The following EIF4G3 variants were observed in gnomAD, a reference collection of about 807,000 sequenced individuals.
The protein encoded by EIF4G3 is eukaryotic translation initiation factor 4 gamma 3.
In EIF4G3, 34 loss-of-function variants were observed where a neutral mutation model predicts 186.4. The ratio of observed to expected loss-of-function variants is 0.18; its 90% CI spans 0.14 to 0.24. The LOEUF is 0.24. Among genes scored for constraint, EIF4G3 ranks in the 10% least tolerant of loss-of-function variants. The pLI, the probability that EIF4G3 is intolerant of heterozygous loss-of-function variation, is 1.00. For missense variants in EIF4G3, 1,536 were observed against 1,948.5 expected, an observed-to-expected ratio of 0.79 and a Z score of 3.99; for synonymous variants, 673 against 679.5, an observed-to-expected ratio of 0.99 and a Z score of 0.15.
chr1:21,024,864 G>A lies in EIF4G3; in HGVS notation c.-66-22056C>T, dbSNP rs911826713. On this transcript the variant is annotated intron_variant, in intron 4 of 36. Coordinates refer to ENST00000602326, the MANE Select transcript of EIF4G3 (RefSeq NM_001391906.1). ...ATGACCCTGCCAAATCCCCCTCTGT[G>A]AGAAACACCCAATAATTATCAATAA... Among the ~76,000 whole-genome samples, 111 of 144,186 alleles carry A rather than the reference G, an allele frequency of 7.7e-4. 1 individual carries two copies. Among genetic ancestry groups the A allele is most frequent in the African/African-American group, 2.7e-3 (106 of 38,638 alleles). 94.6% of individuals were successfully genotyped at this position (144,186 alleles called of 152,430 possible).
intron 25 of EIF4G3, among the ~76,000 whole-genome samples, chr1:20,855,925 T>C (rs1000596989): frequency 3.3e-5 from 5 of 152,254 alleles, no homozygotes; most frequent in African/African-American, 1.2e-4. Flanking sequence ...GGAGGTTTGA[T>C]ACCAGCACTG....
chr1:21,053,757 G>A (rs888253095), intron 3 of EIF4G3, among the ~76,000 whole-genome samples: 6 of 148,534 alleles, frequency 4.0e-5, no homozygotes, highest in African/African-American at 1.3e-4. Context: ...CGCCCCATCC[G>A]GGAGGTGAGG....
chr1:21,107,251 G>A (rs867341170), intron 2 of EIF4G3, among the ~76,000 whole-genome samples: 1 of 151,976 alleles, frequency 6.6e-6, no homozygotes. Flanking sequence ...ATCTTGGCTC[G>A]CTGCAACCTC....
At chr1:20,978,462 G>C (rs1570191771) in intron 10 of EIF4G3, among the ~76,000 whole-genome samples, 1 of 152,032 alleles carries the variant, frequency 6.6e-6, no homozygotes, top group East Asian at 1.9e-4. Context: ...TGCAATTTCA[G>C]TTACCTGCAG....
intron 3 of EIF4G3, among the ~76,000 whole-genome samples, chr1:21,069,834 G>A (rs1403911954): frequency 2.6e-5 from 4 of 152,196 alleles, no homozygotes; most frequent in Admixed American, 6.5e-5. Context: ...GACACTGACT[G>A]TGAGGTTTGT....
chr1:21,080,366 A>C (rs1452133179), intron 3 of EIF4G3, among the ~76,000 whole-genome samples: 1 of 151,952 alleles, frequency 6.6e-6, no homozygotes, highest in Non-Finnish European at 1.5e-5. Context: ...TATGGCATTG[A>C]AGAGGAATTA....
At chr1:20,925,939 G>A (rs1001851967) in intron 14 of EIF4G3, among the ~76,000 whole-genome samples, 1 of 152,190 alleles carries the variant, frequency 6.6e-6, no homozygotes, top group Non-Finnish European at 1.5e-5. Context: ...CTAATGAACT[G>A]GGAAAGATAC....
At chr1:20,875,583 T>C (rs2080523808) in intron 20 of EIF4G3, among the ~76,000 whole-genome samples, 1 of 152,232 alleles carries the variant, frequency 6.6e-6, no homozygotes, top group Non-Finnish European at 1.5e-5. Flanking sequence ...GTTAGTCATA[T>C]TTCAATAAAA....
chr1:20,968,122 C>T (rs2075098021), intron 12 of EIF4G3, among the ~76,000 whole-genome samples: 1 of 151,978 alleles, frequency 6.6e-6, no homozygotes, highest in Non-Finnish European at 1.5e-5. Flanking sequence ...AACCACGTGT[C>T]TCTATATCAT....
At chr1:20,843,787 G>A (rs1376523517) in intron 29 of EIF4G3, among the ~76,000 whole-genome samples, 2 of 152,074 alleles carry the variant, frequency 1.3e-5, no homozygotes, top group Non-Finnish European at 2.9e-5. Context: ...TATTTTTCCT[G>A]ATCCTGTCTC....
chr1:20,908,007 C>T (rs1489779434), intron 14 of EIF4G3, among the ~76,000 whole-genome samples: 2 of 150,920 alleles, frequency 1.3e-5, no homozygotes, highest in African/African-American at 4.9e-5. Flanking sequence ...TACAGTCCCA[C>T]CAACAGTGTA....
At chr1:21,155,235 C>G (rs1428467544) in intron 2 of EIF4G3, among the ~76,000 whole-genome samples, 21 of 132,686 alleles carry the variant, frequency 1.6e-4, no homozygotes, top group Non-Finnish European at 2.4e-4. Flanking sequence ...TGCACTCCAG[C>G]CTGGGAGACA....
chr1:20,894,393 G>A (rs1303945298), intron 17 of EIF4G3, among the ~76,000 whole-genome samples: 1 of 152,170 alleles, frequency 6.6e-6, no homozygotes, highest in East Asian at 1.9e-4. Context: ...TCATTCAGCT[G>A]TCCTCACATA....
intron 2 of EIF4G3, among the ~76,000 whole-genome samples, chr1:21,168,340 G>A (rs920331890): frequency 6.6e-6 from 1 of 152,074 alleles, no homozygotes; most frequent in Non-Finnish European, 1.5e-5. Context: ...GGAGGCCAAG[G>A]TTGCAGTGAG....
intron 3 of EIF4G3, among the ~76,000 whole-genome samples, chr1:21,063,055 A>AT (rs1291166278): frequency 1.3e-5 from 2 of 152,060 alleles, no homozygotes; most frequent in Non-Finnish European, 2.9e-5. Flanking sequence ...ATATATATTT[A>AT]TTTTTTTAAT....
In EIF4G3 at chr1:20,849,494, T is replaced by G; in HGVS notation, c.3809A>C (p.Lys1270Thr). 1.9e-6 allele frequency: 3 copies of G among 1,568,846 alleles called. No individual in the cohort carries two copies. Among genetic ancestry groups the G allele is most frequent in the African/African-American group, 1.4e-5 (1 of 72,606 alleles). ...PEISAMSAHD[K>T]AALSEEELER... ...CAGTTCCTCTTCTGATAATGCAGCC[T>G]TGTCATGAGCTGACATTGCTGAAAT... is the stretch of plus-strand genomic sequence containing the variant. Residue 1270 changes from lysine to threonine, a missense_variant, in exon 29 of 37, where the codon AAG becomes ACG. Coordinates refer to ENST00000602326, the MANE Select transcript of EIF4G3 (RefSeq NM_001391906.1).
intron 4 of EIF4G3, among the ~76,000 whole-genome samples, chr1:21,043,430 G>A (rs563915266): frequency 2.6e-5 from 4 of 152,224 alleles, no homozygotes; most frequent in South Asian, 4.1e-4. Flanking sequence ...AAAAATAATT[G>A]TACTTAACCA....
chr1:20,823,945 T>C (rs2063006033), intron 33 of EIF4G3, among the ~76,000 whole-genome samples: 1 of 152,226 alleles, frequency 6.6e-6, no homozygotes, highest in South Asian at 2.1e-4. Context: ...AGGATGTTTC[T>C]CCAAAGAGCA....
chr1:20,892,728 A>C, intron 18 of EIF4G3: 1 of 1,530,456 alleles, frequency 6.5e-7, no homozygotes, highest in South Asian at 1.2e-5. Context: ...CACTTTGCAA[A>C]TCTGTAGAAA....
Sources: gnomAD v4.1 joint callset for allele counts (sites outside exome capture counted in the v4.1 genomes callset) on GRCh38, gnomAD v4.1.1 for gene constraint, MANE v1.5 for transcripts, NCBI Gene and HGNC (gene_info 2026-07-23, HGNC 2026-07-21) for gene names.